Variants in EIF2B3 observed in about 807,000 individuals in gnomAD.
EIF2B3 encodes translation initiation factor eIF2B subunit gamma.
EIF2B3 carries 20 observed loss-of-function variants against 54.1 expected under a neutral mutation model. The ratio of observed to expected loss-of-function variants is 0.37; its 90% CI spans 0.26 to 0.54. The LOEUF is 0.54. EIF2B3 is among the 20% of genes least tolerant of loss of function. The pLI, the probability that EIF2B3 is intolerant of heterozygous loss-of-function variation, is 0.86. For missense variants in EIF2B3, 448 were observed against 547.8 expected (o/e 0.82, Z 1.82); for synonymous variants, 153 against 188.1 (o/e 0.81, Z 1.52).
chr1:44,907,145 C>T (rs1439328254), intron 5 of EIF2B3, among the ~76,000 whole-genome samples: 1 of 152,254 alleles, frequency 6.6e-6, no homozygotes, highest in Non-Finnish European at 1.5e-5. Flanking sequence ...TGGATTACTA[C>T]AATACCTTCC....
chr1:44,972,800 G>A (rs1267961969), intron 3 of EIF2B3, among the ~76,000 whole-genome samples: 1 of 152,036 alleles, frequency 6.6e-6, no homozygotes, highest in Admixed American at 6.6e-5. Flanking sequence ...CTGAGTACCT[G>A]GGACTACAGG....
intron 3 of EIF2B3, 23 bp from the exon 4 acceptor site, chr1:44,941,688 G>C: frequency 1.2e-6 from 2 of 1,613,892 alleles, no homozygotes; most frequent in East Asian, 2.2e-5. Flanking sequence ...GATGGGAAAA[G>C]TCAATATCAT....
At chr1:44,855,166 A>C (rs1271096841) in intron 11 of EIF2B3, among the ~76,000 whole-genome samples, 1 of 151,624 alleles carries the variant, frequency 6.6e-6, no homozygotes, top group Non-Finnish European at 1.5e-5. Context: ...GAGGGCACTG[A>C]CCACTGTGCT....
At chr1:44,976,611 T>C (rs961049337) in intron 3 of EIF2B3, among the ~76,000 whole-genome samples, 4 of 152,152 alleles carry the variant, frequency 2.6e-5, no homozygotes, top group African/African-American at 7.2e-5. Flanking sequence ...ATGCTCATAA[T>C]AGCTTTATGC....
At chr1:44,973,835 GT>G (rs1644426987) in intron 3 of EIF2B3, among the ~76,000 whole-genome samples, 1 of 152,186 alleles carries the variant, frequency 6.6e-6, no homozygotes, top group South Asian at 2.1e-4. Flanking sequence ...GTATTTAATG[GT>G]AATAGAGTTT....
intron 5 of EIF2B3, among the ~76,000 whole-genome samples, chr1:44,923,669 T>C (rs867365638): frequency 3.3e-5 from 5 of 152,324 alleles, no homozygotes; most frequent in Middle Eastern, 3.4e-3. Flanking sequence ...TCTTTCTTTC[T>C]AGAAATCCAT....
intron 5 of EIF2B3, among the ~76,000 whole-genome samples, chr1:44,919,167 G>C (rs1215691756): frequency 6.6e-6 from 1 of 152,066 alleles, no homozygotes; most frequent in African/African-American, 2.4e-5. Flanking sequence ...GGCCAACATG[G>C]TGAAACTCCA....
intron 8 of EIF2B3, among the ~76,000 whole-genome samples, chr1:44,878,414 C>T (rs531306389): frequency 3.9e-5 from 6 of 152,228 alleles, no homozygotes; most frequent in Admixed American, 3.3e-4. Context: ...AGGTGCATGC[C>T]ACCATGCTTG....
At chr1:44,959,004 C>T in intron 3 of EIF2B3, 1 of 738,846 alleles carries the variant, frequency 1.4e-6, no homozygotes, top group Admixed American at 2.1e-5. Context: ...GAAGAAAGTG[C>T]TAGAAGAATA....
intron 3 of EIF2B3, among the ~76,000 whole-genome samples, chr1:44,946,287 C>T (rs1644101204): frequency 6.6e-6 from 1 of 152,136 alleles, no homozygotes; most frequent in African/African-American, 2.4e-5. Context: ...CCAGAGAATG[C>T]ACCATGTAAG....
At chr1:44,936,140 C>T (rs1643944416) in intron 4 of EIF2B3, among the ~76,000 whole-genome samples, 1 of 152,094 alleles carries the variant, frequency 6.6e-6, no homozygotes, top group Non-Finnish European at 1.5e-5. Flanking sequence ...TTTAGAACCC[C>T]ATTTCCCCGC....
intron 3 of EIF2B3, among the ~76,000 whole-genome samples, chr1:44,973,900 A>AT (rs1208334948): frequency 1.3e-5 from 2 of 152,146 alleles, no homozygotes; most frequent in Admixed American, 6.6e-5. Context: ...GTTGCACAAC[A>AT]TTATAAATGT....
In EIF2B3 at chr1:44,967,433, C is replaced by T. The variant is rs143903242; in HGVS notation, c.294+10882G>A. ...CTGCACTCCAGCGTGGGCAACAGAG[C>T]GAGACTCTGTCTCAAAAAAAAAAAA... On this transcript the variant is annotated intron_variant, in intron 3 of 11. Coordinates refer to ENST00000360403, the MANE Select transcript of EIF2B3 (RefSeq NM_020365.5). 2.7e-3 allele frequency among the ~76,000 whole-genome samples: 365 copies of T among 137,178 alleles called. 2 individuals are homozygous for T. The highest frequency in any genetic ancestry group is 9.6e-3 in the African/African-American group (347 of 36,326). The allele number at this position is 137,178 out of a possible 152,430, so 90.0% of individuals were successfully genotyped here.
At chr1:44,925,839 G>A (rs558162053) in intron 5 of EIF2B3, among the ~76,000 whole-genome samples, 2 of 148,286 alleles carry the variant, frequency 1.3e-5, no homozygotes, top group South Asian at 2.2e-4. Context: ...CAGGAGAATC[G>A]CTTGAACCTG....
At chr1:44,871,868 C>T (rs1654976985) in intron 10 of EIF2B3, among the ~76,000 whole-genome samples, 3 of 145,408 alleles carry the variant, frequency 2.1e-5, no homozygotes, top group Non-Finnish European at 4.5e-5. Flanking sequence ...TTTCATACTT[C>T]ACAATCTTTT....
chr1:44,905,363 T>C (rs779360074), intron 5 of EIF2B3, among the ~76,000 whole-genome samples: 4 of 152,178 alleles, frequency 2.6e-5, no homozygotes, highest in Non-Finnish European at 5.9e-5. Context: ...CCTTGTGGGT[T>C]TGTTCTTGTT....
chr1:44,961,578 C>G (rs1158510971), intron 3 of EIF2B3, among the ~76,000 whole-genome samples: 1 of 152,012 alleles, frequency 6.6e-6, no homozygotes, highest in African/African-American at 2.4e-5. Context: ...CTACTTGGAG[C>G]TGAAGTGGGA....
chr1:44,865,370 T>C (rs1654739849), intron 10 of EIF2B3, among the ~76,000 whole-genome samples: 1 of 152,208 alleles, frequency 6.6e-6, no homozygotes, highest in South Asian at 2.1e-4. Flanking sequence ...CCTTCTTCTC[T>C]TTATGTTGAA....
intron 6 of EIF2B3, among the ~76,000 whole-genome samples, chr1:44,896,976 C>T (rs1655992271): frequency 6.6e-6 from 1 of 152,182 alleles, no homozygotes; most frequent in Admixed American, 6.5e-5. Context: ...GGCCCATCTA[C>T]AGGATAACTG....
Sources: gnomAD v4.1 joint callset for allele counts (sites outside exome capture counted in the v4.1 genomes callset) on GRCh38, gnomAD v4.1.1 for gene constraint, MANE v1.5 for transcripts, NCBI Gene and HGNC (gene_info 2026-07-23, HGNC 2026-07-21) for gene names.